CPED1: variants seen among roughly 807,000 people sequenced by gnomAD.
CPED1 encodes the protein cadherin like and PC-esterase domain containing 1.
CPED1 carries 114 observed loss-of-function variants against 128.2 expected under a neutral mutation model. The ratio of observed to expected loss-of-function variants is 0.89; its 90% CI spans 0.76 to 1.04. The LOEUF (loss-of-function observed/expected upper bound fraction) is 1.04. Among genes scored for constraint, CPED1 ranks in the 50% least tolerant of loss-of-function variants. CPED1 has a pLI of 0.00. For missense variants in CPED1, 1,211 were observed against 1,207.1 expected (o/e 1.00, Z -0.05); for synonymous variants, 462 against 426.7 (o/e 1.08, Z -1.02).
intron 17 of CPED1, among the ~76,000 whole-genome samples, chr7:121,238,768 T>G (rs1798319505): frequency 1.3e-5 from 2 of 149,616 alleles, no homozygotes; most frequent in South Asian, 2.1e-4. Context: ...TATATATATA[T>G]TACAGTGTAC....
intron 8 of CPED1, 102 bp downstream of exon 8, chr7:121,124,575 G>T (rs1298550960): frequency 1.1e-6 from 1 of 884,328 alleles, no homozygotes; most frequent in Non-Finnish European, 1.6e-6. Flanking sequence ...ATAAGTAGGT[G>T]GTACTTGGAA....
intron 16 of CPED1, among the ~76,000 whole-genome samples, chr7:121,153,296 G>A (rs1377103104): frequency 6.6e-6 from 1 of 152,150 alleles, no homozygotes; most frequent in Non-Finnish European, 1.5e-5. Flanking sequence ...ATGAGAAAAT[G>A]AGTCTTAGCC....
chr7:120,991,537 G>T (rs1006694792), intron 2 of CPED1, among the ~76,000 whole-genome samples: 1 of 152,132 alleles, frequency 6.6e-6, no homozygotes, highest in South Asian at 2.1e-4. Context: ...TTTTTGCTAG[G>T]AATTTTGAAT....
rs1794762580 is a variant in CPED1, at chr7:121,098,765, TAA to T, written c.749+936_749+937del. On this transcript the variant is annotated intron_variant, in intron 6 of 22. Coordinates refer to ENST00000310396, the MANE Select transcript of CPED1 (RefSeq NM_024913.5). ...ATATAAAAATATATAAAAATATATA[TAA>T]ATATATATATATAAAAATATATAAA... Among the ~76,000 whole-genome samples, 4 of 38,580 alleles carry T rather than the reference TAA, an allele frequency of 1.0e-4. 1 individual carries two copies. The South Asian group carries it at 2.5e-3, about 24-fold the overall frequency. 25.3% of individuals were successfully genotyped at this position (38,580 alleles called of 152,430 possible).
At chr7:121,158,412 G>A (rs771820414) in intron 16 of CPED1, among the ~76,000 whole-genome samples, 5 of 152,196 alleles carry the variant, frequency 3.3e-5, no homozygotes, top group Admixed American at 1.3e-4. Flanking sequence ...GACACATGCC[G>A]CTGATGAACA....
intron 16 of CPED1, among the ~76,000 whole-genome samples, chr7:121,213,059 A>G (rs1797681960): frequency 6.6e-6 from 1 of 152,016 alleles, no homozygotes; most frequent in South Asian, 2.1e-4. Context: ...TTTAAAGTGC[A>G]GCTGGTTATG....
At chr7:121,236,977 G>T in intron 17 of CPED1, 146 bp downstream of exon 17, 1 of 434,378 alleles carries the variant, frequency 2.3e-6, no homozygotes. Context: ...ATTAATGTAA[G>T]TGCATTGTTT....
intron 22 of CPED1, among the ~76,000 whole-genome samples, chr7:121,277,842 G>T (rs1792361620): frequency 6.6e-6 from 1 of 152,150 alleles, no homozygotes; most frequent in Non-Finnish European, 1.5e-5. Context: ...AAAGTCTGGA[G>T]AAATAGGAGC....
intron 2 of CPED1, among the ~76,000 whole-genome samples, chr7:120,992,101 A>G (rs1184862348): frequency 6.6e-6 from 1 of 152,190 alleles, no homozygotes; most frequent in Non-Finnish European, 1.5e-5. Flanking sequence ...GATGGCTAAA[A>G]TGAAGAGAGA....
intron 16 of CPED1, among the ~76,000 whole-genome samples, chr7:121,158,695 A>G (rs970699841): frequency 6.6e-6 from 1 of 152,144 alleles, no homozygotes; most frequent in Non-Finnish European, 1.5e-5. Context: ...CTGTCACTGC[A>G]GGATATGGAA....
At chr7:121,285,646 C>T (rs1204076460) in intron 22 of CPED1, among the ~76,000 whole-genome samples, 1 of 152,196 alleles carries the variant, frequency 6.6e-6, no homozygotes, top group Non-Finnish European at 1.5e-5. Context: ...GCCACCTTTG[C>T]TCTAGTTCCC....
chr7:121,205,181 A>T (rs1284867253), intron 16 of CPED1, among the ~76,000 whole-genome samples: 1 of 152,106 alleles, frequency 6.6e-6, no homozygotes, highest in Non-Finnish European at 1.5e-5. Flanking sequence ...TGTATATGTC[A>T]TCAAACATGA....
chr7:121,044,664 T>TTTTTTTTTTTTTTTTTTTTTTTC, intron 3 of CPED1, among the ~76,000 whole-genome samples: 1 of 141,014 alleles, frequency 7.1e-6, no homozygotes, highest in Non-Finnish European at 1.5e-5. Flanking sequence ...TTTTTTTTTT[T>TTTTTTTTTTTTTTTTTTTTTTTC]TTTTTGCTAT....
At chr7:121,177,493 T>G (rs1166838599) in intron 16 of CPED1, among the ~76,000 whole-genome samples, 2 of 152,048 alleles carry the variant, frequency 1.3e-5, no homozygotes, top group Non-Finnish European at 2.9e-5. Context: ...ATGTGAAAAT[T>G]CTCAATTAAA....
In CPED1 at chr7:121,297,214, A is replaced by G. The variant is rs1216228654; in HGVS notation, c.*1562A>G. The G allele has an allele frequency of 6.6e-6, 1 of 152,096 alleles. No homozygotes were observed. The highest frequency in any genetic ancestry group is 1.9e-4 in the East Asian group (1 of 5,178). 9.4% of individuals were successfully genotyped at this position (152,096 alleles called of 1,614,324 possible). On this transcript the variant is annotated 3_prime_UTR_variant, in exon 23 of 23. Coordinates refer to ENST00000310396, the MANE Select transcript of CPED1 (RefSeq NM_024913.5). ...AAACATCATTTTTAAATTTTCAGTG[A>G]TTTTTTTAATGACATAAAACGTTAC...
chr7:121,197,545 C>A (rs1043962617), intron 16 of CPED1, among the ~76,000 whole-genome samples: 7 of 152,048 alleles, frequency 4.6e-5, no homozygotes, highest in African/African-American at 1.7e-4. Flanking sequence ...TTAAGTAATG[C>A]CCCATGTTAA....
chr7:121,281,762 ACTTGAAAGT>A (rs1253173459), intron 22 of CPED1, among the ~76,000 whole-genome samples: 5 of 152,182 alleles, frequency 3.3e-5, no homozygotes, highest in Admixed American at 6.5e-5. Context: ...TGTAATTTTT[ACTTGAAAGT>A]CTTGAAAGTC....
intron 22 of CPED1, among the ~76,000 whole-genome samples, chr7:121,288,187 A>G (rs1204308807): frequency 2.0e-5 from 3 of 152,218 alleles, no homozygotes; most frequent in Non-Finnish European, 2.9e-5. Flanking sequence ...GAATTTTTAC[A>G]TCTATATTTT....
At chr7:121,205,591 C>T (rs1172204237) in intron 16 of CPED1, among the ~76,000 whole-genome samples, 1 of 151,462 alleles carries the variant, frequency 6.6e-6, no homozygotes, top group East Asian at 1.9e-4. Context: ...TTTAGGAGTC[C>T]TGAAATGAAG....
Sources: allele counts gnomAD v4.1 joint callset (sites outside exome capture counted in the v4.1 genomes callset), GRCh38; gene constraint gnomAD v4.1.1; transcripts MANE v1.5; gene names NCBI Gene and HGNC (gene_info 2026-07-23, HGNC 2026-07-21).